Variants in UBE2E2 observed in about 807,000 individuals in gnomAD.
UBE2E2 encodes the protein ubiquitin-conjugating enzyme E2 E2.
A neutral mutation model predicts 24.7 loss-of-function variants in UBE2E2; 6 were observed. That is an observed-to-expected ratio of 0.24 (90% CI 0.13 to 0.48). The LOEUF (loss-of-function observed/expected upper bound fraction) is 0.48, where lower values mean the gene tolerates loss of function less well. Among genes scored for constraint, UBE2E2 ranks in the 20% least tolerant of loss-of-function variants. The probability of loss-of-function intolerance (pLI) is 0.99; values close to 1 mark genes in which losing one functional copy is unlikely to be tolerated. For synonymous variants in UBE2E2, 104 were observed against 83.6 expected, an observed-to-expected ratio of 1.24 and a Z score of -1.33; for missense variants, 169 against 245.0, an observed-to-expected ratio of 0.69 and a Z score of 2.07.
rs76692073 is a variant in UBE2E2 at position 23,551,636 on chromosome 3, A to G, written c.508+18935A>G. ...TCTTTGAGAAGGTGTGGTTAGAAAG[A>G]ATGGGGGCAGCTGGAAGAGGATTAT... On this transcript the variant is annotated intron_variant, in intron 5 of 5. Coordinates refer to ENST00000396703, the MANE Select transcript of UBE2E2 (RefSeq NM_152653.4). Among the ~76,000 whole-genome samples, 99 of 152,296 alleles carry G rather than the reference A, an allele frequency of 6.5e-4. 5 individuals are homozygous for G. The East Asian group carries it at 0.015, about 24-fold the overall frequency.
intron 3 of UBE2E2, among the ~76,000 whole-genome samples, chr3:23,426,136 G>A (rs1417446145): frequency 6.6e-6 from 1 of 152,144 alleles, no homozygotes; most frequent in Non-Finnish European, 1.5e-5. Flanking sequence ...TGGTAGACTT[G>A]ACACAGCTGA....
intron 3 of UBE2E2, among the ~76,000 whole-genome samples, chr3:23,263,102 C>T (rs941896502): frequency 6.6e-5 from 10 of 152,062 alleles, no homozygotes; most frequent in Admixed American, 1.3e-4. Flanking sequence ...AAGGTGTGTT[C>T]TTAGCTGAGA....
Position 23,352,482 on chromosome 3 carries a change from G to A in UBE2E2, c.227+135170G>A, listed in dbSNP as rs189498722. On this transcript the variant is annotated intron_variant, in intron 3 of 5. Coordinates refer to ENST00000396703, the MANE Select transcript of UBE2E2 (RefSeq NM_152653.4). ...AAAGGATCAACAAAATTGTTAGACC[G>A]CTAGCAAGACTAATAAAGAAGAAAA... 4.5e-3 allele frequency among the ~76,000 whole-genome samples: 684 copies of A among 152,124 alleles called. 1 individual carries two copies. Among genetic ancestry groups the A allele is most frequent in the Non-Finnish European group, 7.3e-3 (493 of 67,996 alleles).
At chr3:23,538,146 A>G (rs934681498) in intron 5 of UBE2E2, among the ~76,000 whole-genome samples, 10 of 152,206 alleles carry the variant, frequency 6.6e-5, no homozygotes, top group African/African-American at 2.4e-4. Context: ...CAATAACTAC[A>G]GTTGGCTACC....
chr3:23,271,957 A>G (rs1698255159), intron 3 of UBE2E2, among the ~76,000 whole-genome samples: 1 of 152,224 alleles, frequency 6.6e-6, no homozygotes, highest in Non-Finnish European at 1.5e-5. Context: ...TCAGGAGCCC[A>G]GCTGGCTTCG....
chr3:23,475,625 T>A (rs1290527806), intron 3 of UBE2E2, among the ~76,000 whole-genome samples: 5 of 152,060 alleles, frequency 3.3e-5, no homozygotes, highest in Non-Finnish European at 5.9e-5. Flanking sequence ...AACCTAAGGA[T>A]AAGGCTCGCA....
chr3:23,523,350 GT>G (rs1226276809), intron 4 of UBE2E2, among the ~76,000 whole-genome samples: 2 of 152,076 alleles, frequency 1.3e-5, no homozygotes, highest in African/African-American at 4.8e-5. Context: ...CTAGTTGCAT[GT>G]TTTTCTACAT....
chr3:23,475,918 A>T lies in UBE2E2; in HGVS notation c.228-23690A>T, dbSNP rs140429300. On this transcript the variant is annotated intron_variant, in intron 3 of 5. Coordinates refer to ENST00000396703, the MANE Select transcript of UBE2E2 (RefSeq NM_152653.4). ...TACAGTGAGTACATGTTCTTACACT[A>T]AAGACAGCTAGTAAAATAAGAATCA... Among the ~76,000 whole-genome samples, 118 of 152,238 alleles carry T rather than the reference A, an allele frequency of 7.8e-4. 3 individuals are homozygous for T. Among genetic ancestry groups the T allele is most frequent in the Middle Eastern group, 3.4e-3 (1 of 292 alleles).
intron 3 of UBE2E2, among the ~76,000 whole-genome samples, chr3:23,248,723 G>GAA (rs1697489058): frequency 6.6e-6 from 1 of 152,176 alleles, no homozygotes; most frequent in South Asian, 2.1e-4. Flanking sequence ...GTGAGAGATG[G>GAA]AAGAAGTCCT....
chr3:23,304,168 G>T (rs995515752), intron 3 of UBE2E2, among the ~76,000 whole-genome samples: 2 of 152,158 alleles, frequency 1.3e-5, no homozygotes, highest in East Asian at 1.9e-4. Context: ...ACCTTAGCAG[G>T]CCACTTTTGA....
chr3:23,361,592 T>G (rs1696114933), intron 3 of UBE2E2, among the ~76,000 whole-genome samples: 1 of 152,186 alleles, frequency 6.6e-6, no homozygotes, highest in Non-Finnish European at 1.5e-5. Context: ...AAACCAAATA[T>G]TCTATGTTCT....
At chr3:23,253,248 A>G (rs1163441214) in intron 3 of UBE2E2, among the ~76,000 whole-genome samples, 2 of 152,246 alleles carry the variant, frequency 1.3e-5, no homozygotes, top group South Asian at 4.1e-4. Context: ...AAGAGGGAGG[A>G]AAAGAAAATA....
At chr3:23,262,134 C>A (rs924726053) in intron 3 of UBE2E2, among the ~76,000 whole-genome samples, 1 of 152,168 alleles carries the variant, frequency 6.6e-6, no homozygotes, top group East Asian at 1.9e-4. Context: ...CAATACTTTT[C>A]TCTTGTCCTT....
At chr3:23,552,343 A>AC (rs769808196) in intron 5 of UBE2E2, among the ~76,000 whole-genome samples, 2 of 152,074 alleles carry the variant, frequency 1.3e-5, no homozygotes, top group African/African-American at 2.4e-5. Flanking sequence ...ACAGAGAGAG[A>AC]CCCCTTCTCT....
chr3:23,517,126 T>G (rs1000205146), intron 4 of UBE2E2, among the ~76,000 whole-genome samples: 3 of 152,150 alleles, frequency 2.0e-5, no homozygotes, highest in Non-Finnish European at 2.9e-5. Flanking sequence ...AGTTAGTCTT[T>G]TCTACCGAGA....
intron 5 of UBE2E2, among the ~76,000 whole-genome samples, chr3:23,568,355 T>A (rs1485865924): frequency 6.6e-6 from 1 of 152,130 alleles, no homozygotes. Context: ...GTGGGTGGAC[T>A]ACATGTGAGG....
intron 3 of UBE2E2, among the ~76,000 whole-genome samples, chr3:23,338,411 G>C (rs1377155279): frequency 6.6e-6 from 1 of 152,138 alleles, no homozygotes; most frequent in Admixed American, 6.6e-5. Context: ...TGAATGAATG[G>C]AGATAAAGAG....
intron 5 of UBE2E2, among the ~76,000 whole-genome samples, chr3:23,554,857 A>T (rs547982954): frequency 6.6e-6 from 1 of 152,284 alleles, no homozygotes; most frequent in South Asian, 2.1e-4. Flanking sequence ...ATTTATTTTT[A>T]AAAAAACTCA....
intron 3 of UBE2E2, among the ~76,000 whole-genome samples, chr3:23,367,208 A>G (rs1575589235): frequency 1.3e-5 from 2 of 152,326 alleles, no homozygotes; most frequent in South Asian, 4.1e-4. Flanking sequence ...TGACAAACCA[A>G]TCTTTATGAT....
Sources: allele counts gnomAD v4.1 joint callset (sites outside exome capture counted in the v4.1 genomes callset), GRCh38; gene constraint gnomAD v4.1.1; transcripts MANE v1.5; gene names NCBI Gene and HGNC (gene_info 2026-07-23, HGNC 2026-07-21).